The following EYA1 variants were observed in gnomAD, a reference collection of about 807,000 sequenced individuals.
EYA1 encodes EYA transcriptional coactivator and phosphatase 1.
Under a neutral mutation model 82.0 loss-of-function variants are expected in EYA1, and 16 were observed. The ratio of observed to expected loss-of-function variants is 0.20; its 90% CI spans 0.13 to 0.30. The LOEUF (loss-of-function observed/expected upper bound fraction) is 0.30. Among genes scored for constraint, EYA1 ranks in the 10% least tolerant of loss-of-function variants. EYA1 has a pLI of 1.00. For synonymous variants in EYA1, 261 were observed against 264.4 expected, an observed-to-expected ratio of 0.99 and a Z score of 0.12; for missense variants, 633 against 730.7, an observed-to-expected ratio of 0.87 and a Z score of 1.54.
chr8:71,338,926 C>A (rs1824807992), intron 3 of EYA1, among the ~76,000 whole-genome samples: 1 of 152,130 alleles, frequency 6.6e-6, no homozygotes, highest in Admixed American at 6.5e-5. Flanking sequence ...CTCAATCTTC[C>A]TTTTAGTTTT....
At chr8:71,373,450 T>C (rs1474648061) in intron 2 of EYA1, among the ~76,000 whole-genome samples, 1 of 152,024 alleles carries the variant, frequency 6.6e-6, no homozygotes, top group Non-Finnish European at 1.5e-5. Flanking sequence ...GATCCGTACA[T>C]TGAAAATTAT....
rs750621028 is a variant in EYA1 at position 71,322,200 on chromosome 8, T to C, written c.271A>G (p.Asn91Asp). The change falls in exon 5 of 18, where the codon AAC (asparagine) becomes GAC (aspartate). Residue 91 changes from asparagine (N) to aspartate (D), a missense_variant and splice_region_variant. By Grantham distance (23) the Asn-to-Asp change is conservative (BLOSUM62 1). Coordinates refer to ENST00000340726, the MANE Select transcript of EYA1 (RefSeq NM_000503.6). ...TGATTAAGAGAAAATACATCTTACT[T>C]GGAAGGGTAAATCTGTGGTGGAGAG... Reference protein sequence around the residue: ...QFSPPQIYPSNRPYPHILPTP... With the variant: ...QFSPPQIYPSDRPYPHILPTP... 6.2e-6 allele frequency: 10 copies of C among 1,612,308 alleles called. No homozygotes were observed. The highest frequency in any genetic ancestry group is 8.5e-6 in the Non-Finnish European group (10 of 1,178,320).
intron 11 of EYA1, among the ~76,000 whole-genome samples, chr8:71,261,766 C>T (rs529903923): frequency 6.6e-6 from 1 of 152,180 alleles, no homozygotes; most frequent in Non-Finnish European, 1.5e-5. Flanking sequence ...GGCTTCAACA[C>T]CAAGGGGCCC....
intron 2 of EYA1, among the ~76,000 whole-genome samples, chr8:71,457,600 T>C (rs557175462): frequency 6.6e-6 from 1 of 152,330 alleles, no homozygotes; most frequent in East Asian, 1.9e-4. Flanking sequence ...GATGAGTTCA[T>C]GTCTTTTATA....
At chr8:71,317,232 G>A (rs184104956) in intron 7 of EYA1, among the ~76,000 whole-genome samples, 6 of 152,254 alleles carry the variant, frequency 3.9e-5, no homozygotes, top group South Asian at 2.1e-4. Flanking sequence ...AACCTCCTAC[G>A]TGGCTGACTT....
intron 2 of EYA1, among the ~76,000 whole-genome samples, chr8:71,377,031 AC>A (rs1301792414): frequency 6.6e-6 from 1 of 151,792 alleles, no homozygotes; most frequent in Admixed American, 6.6e-5. Flanking sequence ...TCAACCTCTT[AC>A]CCATCACTGT....
intron 2 of EYA1, among the ~76,000 whole-genome samples, chr8:71,462,813 G>T (rs1424887145): frequency 6.6e-6 from 1 of 152,178 alleles, no homozygotes; most frequent in Non-Finnish European, 1.5e-5. Flanking sequence ...CTGCCTCAGG[G>T]ACATGGGGCA....
chr8:71,284,811 CCT>C (rs1586176787), intron 9 of EYA1, among the ~76,000 whole-genome samples: 1 of 152,208 alleles, frequency 6.6e-6, no homozygotes, highest in East Asian at 1.9e-4. Context: ...CCTTCCCTAT[CCT>C]CTGTCCCTCG....
rs1203230726 is a variant in EYA1, at chr8:71,398,235, C to T, written c.34-41724G>A. ...TTAGCTTCTTTGCAATGGGTTCAAA[C>T]ATCCTCCTTTAGCTCAGATAAGTTT... On this transcript the variant is annotated intron_variant, in intron 2 of 18. Coordinates refer to the EYA1 transcript ENST00000643681. 2.6e-5 allele frequency among the ~76,000 whole-genome samples: 4 copies of T among 152,166 alleles called. No homozygotes were observed. In the South Asian group the frequency reaches 8.3e-4, roughly 31 times the overall value.
chr8:71,481,131 A>G (rs1810119321), intron 2 of EYA1, among the ~76,000 whole-genome samples: 1 of 152,224 alleles, frequency 6.6e-6, no homozygotes, highest in African/African-American at 2.4e-5. Flanking sequence ...GCACAAATAA[A>G]GAAAACACAC....
intron 7 of EYA1, among the ~76,000 whole-genome samples, chr8:71,309,055 T>A (rs1821047271): frequency 6.6e-6 from 1 of 152,234 alleles, no homozygotes; most frequent in Admixed American, 6.5e-5. Context: ...AACCAGGATT[T>A]TCCCCCTTCC....
intron 3 of EYA1, among the ~76,000 whole-genome samples, chr8:71,341,840 C>T (rs539471851): frequency 6.6e-6 from 1 of 152,256 alleles, no homozygotes; most frequent in South Asian, 2.1e-4. Context: ...TAAGAGTATA[C>T]ATGGCCAAAA....
intron 3 of EYA1, among the ~76,000 whole-genome samples, chr8:71,353,030 A>G (rs760561099): frequency 1.6e-4 from 24 of 152,190 alleles, no homozygotes; most frequent in Non-Finnish European, 2.9e-4. Flanking sequence ...GCTCTTCCAT[A>G]TATGTACTCG....
intron 9 of EYA1, among the ~76,000 whole-genome samples, chr8:71,292,534 C>T (rs1485640533): frequency 6.6e-6 from 1 of 151,948 alleles, no homozygotes; most frequent in African/African-American, 2.4e-5. Flanking sequence ...TACCCTTCTA[C>T]TCATAAATTA....
intron 9 of EYA1, among the ~76,000 whole-genome samples, chr8:71,290,807 GA>G (rs1818914398): frequency 6.6e-6 from 1 of 151,276 alleles, no homozygotes; most frequent in Non-Finnish European, 1.5e-5. Context: ...TGGGAAAAAA[GA>G]AAGAAAGAAA....
rs574403632 is a variant in EYA1 at position 71,312,266 on chromosome 8, A to T, written c.556+5286T>A. 2.6e-5 allele frequency among the ~76,000 whole-genome samples: 4 copies of T among 152,248 alleles called. No homozygotes were observed. In the East Asian group the frequency reaches 7.7e-4, roughly 29 times the overall value. On this transcript the variant is annotated intron_variant, in intron 7 of 17. Coordinates refer to ENST00000340726, the MANE Select transcript of EYA1 (RefSeq NM_000503.6). ...AAGCAACAACATTTTGGCTTTTTGT[A>T]GTTTTCTTTAAAAGCCACTCCTGTG...
intron 7 of EYA1, among the ~76,000 whole-genome samples, chr8:71,312,350 C>T (rs551577614): frequency 5.3e-5 from 8 of 152,288 alleles, no homozygotes; most frequent in Admixed American, 2.0e-4. Context: ...AGCCATTCTC[C>T]GTTTTGAGTA....
chr8:71,342,219 A>G (rs1825217281), intron 3 of EYA1, among the ~76,000 whole-genome samples: 2 of 152,096 alleles, frequency 1.3e-5, no homozygotes, highest in Non-Finnish European at 2.9e-5. Context: ...TGGCTTCTCT[A>G]CCGACTCCAG....
At chr8:71,262,202 T>A (rs1293696675) in intron 11 of EYA1, among the ~76,000 whole-genome samples, 1 of 152,256 alleles carries the variant, frequency 6.6e-6, no homozygotes, top group East Asian at 1.9e-4. Context: ...AAGTGTGAGA[T>A]AGCAGTGTAA....
Sources: allele counts gnomAD v4.1 joint callset (sites outside exome capture counted in the v4.1 genomes callset), GRCh38; gene constraint gnomAD v4.1.1; transcripts MANE v1.5; gene names NCBI Gene and HGNC (gene_info 2026-07-23, HGNC 2026-07-21).